ZNF536: variants seen among roughly 807,000 people sequenced by gnomAD.
ZNF536 encodes zinc finger protein 536.
A neutral mutation model predicts 84.5 loss-of-function variants in ZNF536; 13 were observed. The observed-to-expected ratio is 0.15, with a 90% CI of 0.10 to 0.24. The LOEUF (loss-of-function observed/expected upper bound fraction) is 0.24, where lower values mean the gene tolerates loss of function less well. ZNF536 is among the 10% of genes least tolerant of loss of function. The pLI, the probability that ZNF536 is intolerant of heterozygous loss-of-function variation, is 1.00. For missense variants in ZNF536, 1,536 were observed against 1,747.5 expected (o/e 0.88, Z 2.16); for synonymous variants, 811 against 742.5 (o/e 1.09, Z -1.50).
intron 1 of ZNF536, among the ~76,000 whole-genome samples, chr19:30,657,209 C>T (rs531233234): frequency 1.3e-5 from 2 of 152,294 alleles, no homozygotes; most frequent in East Asian, 1.9e-4. Flanking sequence ...TGGGGGAGAG[C>T]TCTGGAGAGG....
intron 2 of ZNF536, among the ~76,000 whole-genome samples, chr19:30,311,632 CTT>C (rs1462613841): frequency 6.6e-6 from 1 of 152,094 alleles, no homozygotes; most frequent in African/African-American, 2.4e-5. Context: ...CTCTCTCTCT[CTT>C]CCCCCACCCC....
intron 1 of ZNF536, among the ~76,000 whole-genome samples, chr19:30,604,951 A>C (rs2146967433): frequency 6.6e-6 from 1 of 152,300 alleles, no homozygotes; most frequent in South Asian, 2.1e-4. Context: ...CAGGTTTTGC[A>C]GGCACAAGTC....
intron 1 of ZNF536, among the ~76,000 whole-genome samples, chr19:30,421,554 A>C (rs1265173996): frequency 2.0e-5 from 3 of 152,020 alleles, no homozygotes; most frequent in Admixed American, 6.5e-5. Flanking sequence ...TAGAGATGAG[A>C]GTCTCACCAT....
At chr19:30,667,980 T>G (rs567608685) in intron 1 of ZNF536, among the ~76,000 whole-genome samples, 1 of 152,162 alleles carries the variant, frequency 6.6e-6, no homozygotes, top group Non-Finnish European at 1.5e-5. Flanking sequence ...TTGGCAGGGC[T>G]AGATTTGAAG....
At chr19:30,527,081 G>A (rs1006117080) in intron 2 of ZNF536, among the ~76,000 whole-genome samples, 1 of 151,806 alleles carries the variant, frequency 6.6e-6, no homozygotes, top group African/African-American at 2.4e-5. Context: ...ACCACACCTG[G>A]CTAATTTTTG....
chr19:30,513,749 T>A (rs2055517171), intron 2 of ZNF536, among the ~76,000 whole-genome samples: 1 of 152,116 alleles, frequency 6.6e-6, no homozygotes, highest in Admixed American at 6.5e-5. Context: ...CAGCTCCCGG[T>A]GGTCACAACC....
chr19:30,281,860 C>T (rs1313341460), intron 1 of ZNF536, among the ~76,000 whole-genome samples: 1 of 152,142 alleles, frequency 6.6e-6, no homozygotes, highest in Non-Finnish European at 1.5e-5. Flanking sequence ...AAACTGGGCT[C>T]ATGGACAGAG....
upstream of ZNF536, among the ~76,000 whole-genome samples, chr19:30,227,104 A>C (rs571146767): frequency 2.0e-5 from 3 of 152,190 alleles, no homozygotes; most frequent in South Asian, 6.2e-4. Flanking sequence ...AGATATCTCC[A>C]TATAGACGGA....
At chr19:30,561,171 G>A (rs1297822824), downstream of ZNF536, among the ~76,000 whole-genome samples, 9 of 152,302 alleles carry the variant, frequency 5.9e-5, no homozygotes, top group South Asian at 2.1e-4. Context: ...GCAACCAAGC[G>A]GGGAAAGCAA....
intron 2 of ZNF536, among the ~76,000 whole-genome samples, chr19:30,298,568 C>A (rs2046082416): frequency 6.6e-6 from 1 of 152,214 alleles, no homozygotes; most frequent in Non-Finnish European, 1.5e-5. Context: ...ACTCCTTCAT[C>A]CTGTCTCACA....
chr19:30,495,893 T>C (rs114110084), intron 2 of ZNF536, among the ~76,000 whole-genome samples: 139 of 152,246 alleles, frequency 9.1e-4, no homozygotes, highest in African/African-American at 3.1e-3. Flanking sequence ...AGCGGATGGT[T>C]TCAGTAATGG....
upstream of ZNF536, among the ~76,000 whole-genome samples, chr19:30,369,711 C>A (rs977956992): frequency 6.6e-6 from 1 of 152,110 alleles, no homozygotes; most frequent in Non-Finnish European, 1.5e-5. Flanking sequence ...ATATTGTTAA[C>A]CTGGGTCTGT....
At chr19:30,255,721 C>A (rs909707664) in intron 1 of ZNF536, among the ~76,000 whole-genome samples, 2 of 152,178 alleles carry the variant, frequency 1.3e-5, no homozygotes, top group Non-Finnish European at 2.9e-5. Flanking sequence ...GGCTGTGAAC[C>A]AATTTTCTTC....
At chr19:30,698,383 G>C (rs1006320079) in intron 1 of ZNF536, among the ~76,000 whole-genome samples, 3 of 152,128 alleles carry the variant, frequency 2.0e-5, no homozygotes, top group African/African-American at 7.2e-5. Flanking sequence ...TACATTGGTA[G>C]GGTATGTTTG....
chr19:30,457,570 C>G (rs189548741), intron 2 of ZNF536, among the ~76,000 whole-genome samples: 11 of 152,222 alleles, frequency 7.2e-5, no homozygotes, highest in Non-Finnish European at 1.2e-4. Context: ...GGAGAGCACT[C>G]TGGGGGACGC....
At chr19:30,524,535 T>C (rs2044496249) in intron 2 of ZNF536, among the ~76,000 whole-genome samples, 1 of 152,186 alleles carries the variant, frequency 6.6e-6, no homozygotes, top group Non-Finnish European at 1.5e-5. Flanking sequence ...GGAGGCGTTA[T>C]CTCCAAATCA....
chr19:30,265,493 T>C (rs77529632), intron 1 of ZNF536, among the ~76,000 whole-genome samples: 2,865 of 152,306 alleles, frequency 0.019, 95 homozygotes, highest in African/African-American at 0.065. Flanking sequence ...TACTGTGTGA[T>C]GTGCTCCTTA....
chr19:30,610,831 A>G (rs1347496850), intron 1 of ZNF536, among the ~76,000 whole-genome samples: 1 of 152,186 alleles, frequency 6.6e-6, no homozygotes, highest in Admixed American at 6.5e-5. Flanking sequence ...GCTTCTAGCC[A>G]TGAGAAGGAA....
downstream of ZNF536, among the ~76,000 whole-genome samples, chr19:30,560,849 C>T (rs542510308): frequency 6.6e-6 from 1 of 152,352 alleles, no homozygotes; most frequent in South Asian, 2.1e-4. Flanking sequence ...ATTACATCCC[C>T]AAATCGGCAG....
Sources: gnomAD v4.1 joint callset for allele counts (sites outside exome capture counted in the v4.1 genomes callset) on GRCh38, gnomAD v4.1.1 for gene constraint, MANE v1.5 for transcripts, NCBI Gene and HGNC (gene_info 2026-07-23, HGNC 2026-07-21) for gene names.